STPG2: variants seen among roughly 807,000 people sequenced by gnomAD.
STPG2 encodes sperm tail PG-rich repeat containing 2, also known as sperm-tail PG-rich repeat-containing protein 2.
STPG2 carries 56 observed loss-of-function variants against 54.2 expected under a neutral mutation model. The ratio of observed to expected loss-of-function variants is 1.03; its 90% CI spans 0.83 to 1.29. The LOEUF is 1.29. STPG2 is among the 50% of genes most tolerant of loss of function. STPG2 has a pLI of 0.00. For synonymous variants in STPG2, 200 were observed against 181.8 expected (o/e 1.10, Z -0.81); for missense variants, 596 against 544.9 (o/e 1.09, Z -0.93).
chr4:97,997,198 T>C lies in STPG2; in HGVS notation c.613-15880A>G, dbSNP rs575845724. Among the ~76,000 whole-genome samples the C allele has an allele frequency of 9.2e-5, 14 of 152,324 alleles. No individual in the cohort carries two copies. The South Asian group carries it at 2.5e-3, about 27-fold the overall frequency. On this transcript the variant is annotated intron_variant, in intron 5 of 10. Transcript: ENST00000295268. ...GGCATGGAATCAATCTGAATGCCCA[T>C]CAGTAGTGGACTGGATGTATTAGTT...
At position 98,129,751 on chromosome 4, in the gene STPG2, A is replaced by C. The variant is rs1012974463; in HGVS notation, c.223-1159T>G. On this transcript the variant is annotated intron_variant, in intron 2 of 10. Transcript: ENST00000295268. Reference sequence around the variant, plus strand: ...TACTGGGACACTGAAATTATTAAGAATATATTGATTCCTGAAGTTTCTGCA... The same window carrying C: ...TACTGGGACACTGAAATTATTAAGACTATATTGATTCCTGAAGTTTCTGCA... Among the ~76,000 whole-genome samples, 28 of 152,234 alleles carry C rather than the reference A, an allele frequency of 1.8e-4. 1 individual carries two copies. The highest frequency in any genetic ancestry group is 5.8e-4 in the African/African-American group (24 of 41,464).
In STPG2 at chr4:97,972,172, A is replaced by G. The variant is rs567088194; in HGVS notation, c.933+108T>C. ...TCCTTAACATATGGAACATGGTTAT[A>G]ATAACTATTTGACATCCTTTTCTAT... On this transcript the variant is annotated intron_variant, in intron 7 of 10. Transcript: ENST00000295268. 2.0e-5 allele frequency: 14 copies of G among 710,656 alleles called. No homozygotes were observed. In the African/African-American group the frequency reaches 2.4e-4, roughly 12 times the overall value. The allele number at this position is 710,656 out of a possible 1,614,324, so 44.0% of individuals were successfully genotyped here. A position where few individuals can be genotyped will look rare whatever the true frequency, so the allele number is the denominator to read the frequency against.
intron 9 of STPG2, among the ~76,000 whole-genome samples, chr4:97,823,881 G>C (rs1728169722): frequency 6.6e-6 from 1 of 152,082 alleles, no homozygotes; most frequent in South Asian, 2.1e-4. Flanking sequence ...CTAAAAGCAA[G>C]GACACTTGAC....
At chr4:97,876,217 C>T (rs1447552296) in intron 8 of STPG2, among the ~76,000 whole-genome samples, 3 of 151,984 alleles carry the variant, frequency 2.0e-5, no homozygotes, top group Admixed American at 6.6e-5. Context: ...TAAGTATGCA[C>T]TATGAGACTC....
intron 10 of STPG2, among the ~76,000 whole-genome samples, chr4:97,655,629 A>G (rs2148957029): frequency 6.6e-6 from 1 of 152,218 alleles, no homozygotes; most frequent in Admixed American, 6.6e-5. Context: ...ATATTTTAAT[A>G]ATGCCTACAG....
chr4:98,098,415 C>A (rs994507472), intron 5 of STPG2, among the ~76,000 whole-genome samples: 4 of 152,106 alleles, frequency 2.6e-5, no homozygotes, highest in Non-Finnish European at 5.9e-5. Context: ...AACTGGATAT[C>A]CATATCCAGA....
chr4:97,840,252 G>T (rs75263886), intron 9 of STPG2, among the ~76,000 whole-genome samples: 7,367 of 151,410 alleles, frequency 0.049, 323 homozygotes, highest in South Asian at 0.17. Flanking sequence ...AGGGTAAAGT[G>T]CCTTTCTCCT....
At chr4:97,682,545 T>C (rs563536436) in intron 10 of STPG2, among the ~76,000 whole-genome samples, 9 of 151,936 alleles carry the variant, frequency 5.9e-5, no homozygotes, top group Non-Finnish European at 1.2e-4. Context: ...CCCAAATATT[T>C]CTCTTTTACT....
At chr4:98,117,618 T>G (rs1739558876) in intron 3 of STPG2, among the ~76,000 whole-genome samples, 1 of 152,046 alleles carries the variant, frequency 6.6e-6, no homozygotes, top group South Asian at 2.1e-4. Flanking sequence ...CTTCATCCTA[T>G]TTTCTTTCTG....
rs781485369 is a variant in STPG2 at position 97,912,727 on chromosome 4, G to A, written c.1044+31170C>T. On this transcript the variant is annotated intron_variant, in intron 8 of 10. Transcript: ENST00000295268. The stretch of plus-strand genomic sequence containing the variant: ...AAACCTATGAATGATTGAGGTGCCT[G>A]AAAGAGACAGAAAGAACAGAATCAA... 2.0e-5 allele frequency among the ~76,000 whole-genome samples: 3 copies of A among 152,342 alleles called. 1 individual carries two copies. Among genetic ancestry groups the A allele is most frequent in the South Asian group, 4.1e-4 (2 of 4,826 alleles).
chr4:97,811,541 TA>T (rs34763766), intron 9 of STPG2, among the ~76,000 whole-genome samples: 59,531 of 149,880 alleles, frequency 0.4, 11,802 homozygotes, highest in Middle Eastern at 0.46. Context: ...GTAGCAGCAG[TA>T]AAAAAAAAAA....
intron 4 of STPG2, among the ~76,000 whole-genome samples, chr4:97,491,926 G>T (rs1215129461): frequency 6.6e-6 from 1 of 151,456 alleles, no homozygotes; most frequent in African/African-American, 2.4e-5. Context: ...CAATTAAAAG[G>T]CAAGGGGATA....
At chr4:97,704,346 A>G (rs877376) in intron 10 of STPG2, among the ~76,000 whole-genome samples, 89,512 of 152,002 alleles carry the variant, frequency 0.59, 26,680 homozygotes, top group South Asian at 0.68. Flanking sequence ...TTCCGATACA[A>G]GAAATACTTC....
chr4:97,881,302 T>C (rs1730366486), intron 8 of STPG2, among the ~76,000 whole-genome samples: 2 of 152,200 alleles, frequency 1.3e-5, no homozygotes, highest in South Asian at 4.2e-4. Context: ...CACTTAACCT[T>C]TTCACCCCTT....
intron 7 of STPG2, among the ~76,000 whole-genome samples, chr4:97,969,724 T>C (rs1734253822): frequency 6.6e-6 from 1 of 152,160 alleles, no homozygotes; most frequent in South Asian, 2.1e-4. Context: ...GGGAAAAAAC[T>C]GGAAGCATTC....
intron 9 of STPG2, among the ~76,000 whole-genome samples, chr4:97,838,234 G>A (rs75929756): frequency 2.0e-5 from 3 of 151,010 alleles, no homozygotes; most frequent in Non-Finnish European, 4.4e-5. Flanking sequence ...GAAATAATAG[G>A]GTAAAGAAAC....
chr4:97,880,276 C>A (rs918553823), intron 8 of STPG2, among the ~76,000 whole-genome samples: 1 of 152,104 alleles, frequency 6.6e-6, no homozygotes, highest in Non-Finnish European at 1.5e-5. Flanking sequence ...TCAATGGGAT[C>A]AGGTTCATTT....
chr4:97,873,558 T>C (rs953993105), intron 8 of STPG2, among the ~76,000 whole-genome samples: 1 of 151,182 alleles, frequency 6.6e-6, no homozygotes, highest in African/African-American at 2.4e-5. Context: ...TCTTTTAATA[T>C]GTAATGTTGT....
intron 10 of STPG2, among the ~76,000 whole-genome samples, chr4:97,671,920 C>T (rs1221776222): frequency 6.6e-6 from 1 of 152,000 alleles, no homozygotes; most frequent in Non-Finnish European, 1.5e-5. Flanking sequence ...TTCTTTAAAA[C>T]ATTAAAAAAT....
Sources: allele counts gnomAD v4.1 joint callset (sites outside exome capture counted in the v4.1 genomes callset), GRCh38; gene constraint gnomAD v4.1.1; transcripts MANE v1.5; gene names NCBI Gene and HGNC (gene_info 2026-07-23, HGNC 2026-07-21).